CDH13: variants seen among roughly 807,000 people sequenced by gnomAD.
CDH13 encodes the protein cadherin-13.
In CDH13, 24 loss-of-function variants were observed where a neutral mutation model predicts 63.8. The observed-to-expected ratio is 0.38, with a 90% confidence interval of 0.27 to 0.53. The LOEUF is 0.53. Ranked by LOEUF, CDH13 falls within the 20% of genes least tolerant of loss-of-function variation. CDH13 has a pLI of 0.85. For missense variants in CDH13, 1,049 were observed against 903.1 expected, an observed-to-expected ratio of 1.16 and a Z score of -2.07; for synonymous variants, 503 against 355.3, an observed-to-expected ratio of 1.42 and a Z score of -4.67.
chr16:82,630,382 T>A (rs1434245856), intron 1 of CDH13, among the ~76,000 whole-genome samples: 1 of 152,142 alleles, frequency 6.6e-6, no homozygotes, highest in Non-Finnish European at 1.5e-5. Flanking sequence ...CAAAGCTGAG[T>A]ATGTAATCTG....
intron 1 of CDH13, among the ~76,000 whole-genome samples, chr16:82,709,818 G>A (rs539484356): frequency 4.6e-5 from 7 of 152,154 alleles, no homozygotes; most frequent in African/African-American, 1.7e-4. Context: ...AGAACCAATA[G>A]GGAAGAAATC....
chr16:83,523,194 G>A (rs1372595151), intron 7 of CDH13, among the ~76,000 whole-genome samples: 1 of 152,152 alleles, frequency 6.6e-6, no homozygotes, highest in Non-Finnish European at 1.5e-5. Context: ...CACAAATAAT[G>A]AGTGCAGGAT....
chr16:83,495,256 T>C lies in CDH13; in HGVS notation c.960+8601T>C, dbSNP rs368690179. Among the ~76,000 whole-genome samples, 308 of 152,326 alleles carry C rather than the reference T, an allele frequency of 2.0e-3. 2 individuals carry two copies. Among genetic ancestry groups the C allele is most frequent in the South Asian group, 0.017 (80 of 4,830 alleles). ...TAATCAATACTTGTAAAATGTACAA[T>C]GGTTCGGTCTGGAAAGGCAGGACAA... On this transcript the variant is annotated intron_variant, in intron 7 of 13. Coordinates refer to ENST00000567109, the MANE Select transcript of CDH13 (RefSeq NM_001257.5).
rs2039522803 is a variant in CDH13, at chr16:83,216,425, T to TATATATATATATAA, written c.484-907_484-906insAATATATATATATA. ...ATATATATATATATATATATATATATATATATATATATATATATACACAAC... is the reference window on the plus strand; with the variant it reads ...ATATATATATATATATATATATATATATATATATATATAAATATATATATATATATATACACAAC... On this transcript the variant is annotated intron_variant, in intron 4 of 13. Coordinates refer to ENST00000567109, the MANE Select transcript of CDH13 (RefSeq NM_001257.5). 1.2e-4 allele frequency among the ~76,000 whole-genome samples: 12 copies of TATATATATATATAA among 101,088 alleles called. 2 individuals are homozygous for TATATATATATATAA. Among genetic ancestry groups the TATATATATATATAA allele is most frequent in the African/African-American group, 7.5e-5 (2 of 26,670 alleles). The allele number at this position is 101,088 out of a possible 152,430, so 66.3% of individuals were successfully genotyped here.
At chr16:83,194,098 C>G (rs1471606425) in intron 4 of CDH13, among the ~76,000 whole-genome samples, 1 of 152,212 alleles carries the variant, frequency 6.6e-6, no homozygotes, top group Non-Finnish European at 1.5e-5. Context: ...TTTTCAAGGA[C>G]AGCTCGTTCC....
chr16:83,330,919 G>A (rs1233171698), intron 5 of CDH13, among the ~76,000 whole-genome samples: 1 of 152,216 alleles, frequency 6.6e-6, no homozygotes, highest in African/African-American at 2.4e-5. Context: ...AACATAATGC[G>A]ATGGGATGTT....
At chr16:83,205,570 T>C (rs1036323716) in intron 4 of CDH13, among the ~76,000 whole-genome samples, 2 of 150,578 alleles carry the variant, frequency 1.3e-5, no homozygotes. Context: ...GGGGAGATCA[T>C]ATGTTACAAG....
intron 2 of CDH13, among the ~76,000 whole-genome samples, chr16:83,021,319 A>T (rs1402045140): frequency 6.6e-6 from 1 of 152,250 alleles, no homozygotes; most frequent in African/African-American, 2.4e-5. Flanking sequence ...ATATAAAGTA[A>T]TTCCAATTTG....
intron 2 of CDH13, among the ~76,000 whole-genome samples, chr16:82,911,463 G>T (rs1178882347): frequency 6.6e-6 from 1 of 152,130 alleles, no homozygotes; most frequent in Non-Finnish European, 1.5e-5. Context: ...CTCTGCAGGG[G>T]CTACATACGG....
At chr16:82,715,860 G>A (rs945857901) in intron 1 of CDH13, among the ~76,000 whole-genome samples, 1 of 152,088 alleles carries the variant, frequency 6.6e-6, no homozygotes, top group Non-Finnish European at 1.5e-5. Flanking sequence ...AAACATACCT[G>A]ACTAGAAAAT....
chr16:83,301,036 T>TG (rs1285563650), intron 5 of CDH13, among the ~76,000 whole-genome samples: 2 of 132,084 alleles, frequency 1.5e-5, no homozygotes, highest in Middle Eastern at 3.6e-3. Context: ...TTTTTTTTTT[T>TG]TTTTTTTTTT....
At chr16:82,852,507 G>C (rs2039533708) in intron 1 of CDH13, among the ~76,000 whole-genome samples, 1 of 152,190 alleles carries the variant, frequency 6.6e-6, no homozygotes, top group African/African-American at 2.4e-5. Flanking sequence ...GCCATGTCTA[G>C]AAGACGTGAG....
intron 1 of CDH13, among the ~76,000 whole-genome samples, chr16:82,749,448 C>G (rs1478507740): frequency 6.6e-6 from 1 of 152,058 alleles, no homozygotes; most frequent in Non-Finnish European, 1.5e-5. Context: ...GGCAGGAAAA[C>G]CCACTTCCCT....
At chr16:83,478,849 A>G (rs1034937337) in intron 6 of CDH13, among the ~76,000 whole-genome samples, 20 of 151,160 alleles carry the variant, frequency 1.3e-4, no homozygotes, top group African/African-American at 4.4e-4. Context: ...AAAAAAAAAA[A>G]AAAAGAAAAA....
intron 6 of CDH13, among the ~76,000 whole-genome samples, chr16:83,385,570 T>G (rs2091656925): frequency 6.6e-6 from 1 of 152,178 alleles, no homozygotes; most frequent in Non-Finnish European, 1.5e-5. Context: ...CTCCTTCATC[T>G]TGTAGTTACT....
At chr16:83,087,251 G>A (rs2151575225) in intron 3 of CDH13, among the ~76,000 whole-genome samples, 1 of 152,226 alleles carries the variant, frequency 6.6e-6, no homozygotes, top group East Asian at 1.9e-4. Context: ...AGTTTGCTTT[G>A]AGAAACATTG....
chr16:83,378,817 G>T (rs1290156225), intron 6 of CDH13, among the ~76,000 whole-genome samples: 1 of 152,096 alleles, frequency 6.6e-6, no homozygotes, highest in Non-Finnish European at 1.5e-5. Flanking sequence ...TTACCAGAAA[G>T]ATTTTACAAA....
chr16:83,646,570 C>A (rs140960938), intron 8 of CDH13, among the ~76,000 whole-genome samples: 22 of 151,754 alleles, frequency 1.4e-4, no homozygotes, highest in African/African-American at 5.1e-4. Flanking sequence ...GGCGTGGTGG[C>A]GCATCCCTGT....
intron 3 of CDH13, among the ~76,000 whole-genome samples, chr16:83,111,754 T>G (rs2035067658): frequency 6.6e-6 from 1 of 152,200 alleles, no homozygotes; most frequent in Non-Finnish European, 1.5e-5. Flanking sequence ...CGTCATAACT[T>G]GGCTTCAACA....
Sources: gnomAD v4.1 joint callset for allele counts (sites outside exome capture counted in the v4.1 genomes callset) on GRCh38, gnomAD v4.1.1 for gene constraint, MANE v1.5 for transcripts, NCBI Gene and HGNC (gene_info 2026-07-23, HGNC 2026-07-21) for gene names.